Variants in MXRA5 observed in about 807,000 individuals in gnomAD.
MXRA5 encodes matrix-remodeling-associated protein 5.
MXRA5 carries 41 observed loss-of-function variants against 112.5 expected under a neutral mutation model. The observed-to-expected ratio is 0.36, with a 90% CI of 0.28 to 0.47. The LOEUF is 0.47. Ranked by LOEUF, MXRA5 falls within the 20% of genes least tolerant of loss-of-function variation. The pLI is 0.99. For missense variants in MXRA5, 2,150 were observed against 2,251.0 expected (o/e 0.96, Z 0.91); for synonymous variants, 862 against 900.8 (o/e 0.96, Z 0.77).
intron 2 of MXRA5, among the ~76,000 whole-genome samples, chrX:3,343,283 G>A (rs1012813081): frequency 8.9e-6 from 1 of 112,203 alleles, no homozygotes; most frequent in Admixed American, 9.5e-5. Context: ...CGTTGCTGAA[G>A]TCTACTTAAA....
Position 3,327,955 on chromosome X carries a change from G to A in MXRA5, c.709+2063C>T, listed in dbSNP as rs757999638. The stretch of plus-strand genomic sequence containing the variant: ...CATGCACACACAAAGACATGCATGC[G>A]TATCTCCAGACAGTAGCAGAGATGG... On this transcript the variant is annotated intron_variant, in intron 4 of 6. Coordinates refer to ENST00000217939, the MANE Select transcript of MXRA5 (RefSeq NM_015419.4). Among the ~76,000 whole-genome samples, 16 of 112,975 alleles carry A rather than the reference G, an allele frequency of 1.4e-4. No individual in the cohort carries two copies. The South Asian group carries it at 4.0e-3, about 28-fold the overall frequency.
At position 3,323,017 on chromosome X, in the gene MXRA5, C is replaced by A; in HGVS notation, c.2668G>T (p.Asp890Tyr). 1.7e-6 allele frequency: 2 copies of A among 1,211,680 alleles called. No homozygotes were observed. Among genetic ancestry groups the A allele is most frequent in the South Asian group, 1.8e-5 (1 of 56,955 alleles). ...ATCTCCTCAGTCTTCTCGGAAAGGT[C>A]ATCAACAACTTCCTCCAGAGGTGTG... is the stretch of plus-strand genomic sequence containing the variant. The part of the protein sequence containing the change: ...TSTPLEEVVD[D>Y]LSEKTEEITS... The change falls in exon 5 of 7, where the codon GAC (aspartate) becomes TAC (tyrosine). Residue 890 changes from aspartate to tyrosine, a missense_variant. Around this residue, in one of 6 missense-constraint regions of MXRA5, gnomAD observed 1,485 missense variants for 1,471.6 expected, o/e 1.01. Transcript: ENST00000217939.
rs760894580 is a variant in MXRA5, at chrX:3,324,709, G to T, written c.976C>A (p.His326Asn). 2 of 1,210,197 alleles carry T rather than the reference G, an allele frequency of 1.7e-6. No individual in the cohort carries two copies. The highest frequency in any genetic ancestry group is 5.9e-5 in the East Asian group (2 of 33,799). ...CAGACCAAGTTCACCATGTTCCCGT[G>T]CTCGTCGGTCATATTCAAAGAGATG... is the stretch of plus-strand genomic sequence containing the variant. ...WSISLNMTDE[H>N]GNMVNLVCDI... The change falls in exon 5 of 7, where the codon CAC (histidine) becomes AAC (asparagine). Residue 326 changes from histidine to asparagine, a missense_variant. By Grantham distance (68) the His-to-Asn change is moderately conservative. Coordinates refer to ENST00000217939, the MANE Select transcript of MXRA5 (RefSeq NM_015419.4).
intron 2 of MXRA5, among the ~76,000 whole-genome samples, chrX:3,332,417 TGTATTTTTA>T (rs1250931104): frequency 9.0e-6 from 1 of 111,318 alleles, no homozygotes; most frequent in Non-Finnish European, 1.9e-5. Flanking sequence ...GCTAATTTTT[TGTATTTTTA>T]GTAGAGATGG....
At position 3,321,354 on chromosome X, in the gene MXRA5, G is replaced by C; in HGVS notation, c.4331C>G (p.Ser1444Ter). 8.3e-7 allele frequency: 1 copy of C among 1,211,820 alleles called. No homozygotes were observed. Among genetic ancestry groups the C allele is most frequent in the Non-Finnish European group, 1.1e-6 (1 of 895,392 alleles). ...QEEAGSSTTL[S>*]SIKVEVASSQ... ...TGAAGCCACCTCCACTTTTATGCTT[G>C]AGAGAGTTGTGGAAGAACCAGCTTC... The change falls in exon 5 of 7, where the codon TCA becomes TGA. Residue 1444 changes from serine to a stop codon, truncating the protein, a stop_gained. Transcript: ENST00000217939. LOFTEE classifies it high-confidence loss of function.
In MXRA5 at chrX:3,322,595, G is replaced by T. The variant is rs1237528129; in HGVS notation, c.3090C>A (p.Gly1030=). The T allele has an allele frequency of 8.3e-7, 1 of 1,209,764 alleles. No individual in the cohort carries two copies. The highest frequency in any genetic ancestry group is 1.8e-5 in the African/African-American group (1 of 57,076). The change falls in exon 5 of 7, where the codon GGC becomes GGA. Residue 1030 remains glycine, a synonymous_variant. Transcript: ENST00000217939. ...DSTIGEPGVP[G]QSHLQGLTDN... ...CTGTCAGTCCTTGTAGATGTGATTGGCCTGGGACACCTGGTTCCCCTATAG... is the reference window on the plus strand; with the variant it reads ...CTGTCAGTCCTTGTAGATGTGATTGTCCTGGGACACCTGGTTCCCCTATAG...
intron 2 of MXRA5, among the ~76,000 whole-genome samples, chrX:3,338,386 TAGAC>T (rs757825562): frequency 1.9e-4 from 21 of 110,423 alleles, no homozygotes; most frequent in South Asian, 1.2e-3. Context: ...GATAGATAGA[TAGAC>T]AGATAGATAG....
chrX:3,341,357 ATG>A (rs1278513375), intron 2 of MXRA5, among the ~76,000 whole-genome samples: 1 of 40,360 alleles, frequency 2.5e-5, no homozygotes, highest in African/African-American at 9.2e-5. Context: ...ACTATATATT[ATG>A]TATATATAAT....
In MXRA5 at chrX:3,338,945, AATAGATAGATAGTTAGATAGATAG is replaced by A. The variant is rs1347370401; in HGVS notation, c.188+4677_188+4700del. On this transcript the variant is annotated intron_variant, in intron 2 of 6. Coordinates refer to ENST00000217939, the MANE Select transcript of MXRA5 (RefSeq NM_015419.4). ...GACAAGTAATAGGCAGACTATAGATAATAGATAGATAGTTAGATAGATAGATAGATAGATAGATAGATAGATAGA... is the reference window on the plus strand; with the variant it reads ...GACAAGTAATAGGCAGACTATAGATAATAGATAGATAGATAGATAGATAGA... Among the ~76,000 whole-genome samples the A allele has an allele frequency of 4.3e-5, 4 of 92,139 alleles. No individual in the cohort carries two copies. In the Admixed American group the frequency reaches 4.7e-4, roughly 11 times the overall value. 80.0% of individuals were successfully genotyped at this position (92,139 alleles called of 115,157 possible).
Position 3,324,082 on chromosome X carries a change from G to T in MXRA5, c.1603C>A (p.Leu535Ile). ...MDDPDSKFSI[L>I]SSGWLRIKSM... Reference sequence around the variant, plus strand: ...TTGATCCTCAGCCAGCCACTGCTGAGAATGGAGAACTTGCTGTCTGGGTCA... The same window carrying T: ...TTGATCCTCAGCCAGCCACTGCTGATAATGGAGAACTTGCTGTCTGGGTCA... Residue 535 changes from leucine to isoleucine, a missense_variant, in exon 5 of 7, where the codon CTC (leucine) becomes ATC (isoleucine). Physicochemically the swap from Leu to Ile is conservative, Grantham distance 5. Transcript: ENST00000217939. 8.3e-7 allele frequency: 1 copy of T among 1,208,864 alleles called. No homozygotes were observed. The highest frequency in any genetic ancestry group is 1.1e-6 in the Non-Finnish European group (1 of 893,997).
chrX:3,322,298 T>G lies in MXRA5; in HGVS notation c.3387A>C (p.Thr1129=). 1 of 1,209,681 alleles carries G rather than the reference T, an allele frequency of 8.3e-7. No homozygotes were observed. Among genetic ancestry groups the G allele is most frequent in the African/African-American group, 1.7e-5 (1 of 57,618 alleles). The part of the protein sequence containing the change: ...TLLDKDTTTA[T]TTPRQKVAPS... ...GAGCAACTTTTTGCCTTGGTGTTGT[T>G]GTTGCTGTTGTGGTGTCTTTGTCTA... The change falls in exon 5 of 7, where the codon ACA becomes ACC. Residue 1129 remains threonine, a synonymous_variant. Transcript: ENST00000217939.
chrX:3,333,966 T>C (rs1257413566), intron 2 of MXRA5, among the ~76,000 whole-genome samples: 1 of 110,489 alleles, frequency 9.1e-6, no homozygotes, highest in East Asian at 2.9e-4. Context: ...AGAGGTGAGA[T>C]AGAAGCATAG....
chrX:3,346,283 C>T (rs1015083576), intron 1 of MXRA5, among the ~76,000 whole-genome samples: 1 of 112,014 alleles, frequency 8.9e-6, no homozygotes, highest in Non-Finnish European at 1.9e-5. Context: ...CTATTCAGTG[C>T]ATCCTCCTTC....
chrX:3,320,632 T>A lies in MXRA5; in HGVS notation c.5053A>T (p.Ser1685Cys). 8.3e-7 allele frequency: 1 copy of A among 1,210,399 alleles called. No homozygotes were observed. The highest frequency in any genetic ancestry group is 3.0e-5 in the East Asian group (1 of 33,769). Residue 1685 changes from serine to cysteine, a missense_variant, in exon 5 of 7, where the codon AGT (serine) becomes TGT (cysteine). Ser to Cys is a moderately radical substitution (Grantham distance 112). Around this residue, in one of 6 missense-constraint regions of MXRA5, gnomAD observed 1,485 missense variants for 1,471.6 expected, o/e 1.01. Transcript: ENST00000217939. ...TCAGTTCTTCGGTCAGTAAACTTAC[T>A]AGGAATGCTGGGTTTGGACATGTGC... Reference protein sequence around the residue: ...PLHMSKPSIPSKFTDRRTDQF... With the variant: ...PLHMSKPSIPCKFTDRRTDQF...
At position 3,323,741 on chromosome X, in the gene MXRA5, G is replaced by A. The variant is rs745674905; in HGVS notation, c.1944C>T (p.Tyr648=). The part of the protein sequence containing the change: ...IPKVQVSDSG[Y]YRCVAVNQQG... ...GCTGGTTGACAGCCACACATCTGTA[G>A]TAACCACTGTCACTGACTTGGACCT... Residue 648 remains tyrosine, a synonymous_variant, in exon 5 of 7, where the codon TAC becomes TAT. Transcript: ENST00000217939. 1 of 1,211,760 alleles carries A rather than the reference G, an allele frequency of 8.3e-7. No homozygotes were observed. The highest frequency in any genetic ancestry group is 1.7e-5 in the African/African-American group (1 of 57,859).
intron 5 of MXRA5, among the ~76,000 whole-genome samples, chrX:3,318,678 A>G (rs1921216412): frequency 1.8e-5 from 2 of 111,677 alleles, no homozygotes; most frequent in African/African-American, 3.3e-5. Flanking sequence ...CAATCCCACT[A>G]CTGGGTATTT....
At chrX:3,335,922 G>T (rs949240632) in intron 2 of MXRA5, among the ~76,000 whole-genome samples, 5 of 112,316 alleles carry the variant, frequency 4.5e-5, no homozygotes, top group African/African-American at 1.3e-4. Context: ...GTCACGTACT[G>T]CAGTGGTCCT....
At chrX:3,345,343 C>G (rs1922082398) in intron 1 of MXRA5, among the ~76,000 whole-genome samples, 2 of 112,769 alleles carry the variant, frequency 1.8e-5, no homozygotes, top group African/African-American at 6.4e-5. Context: ...TGGAACAAAC[C>G]GGCTCCTGCA....
Position 3,317,657 on chromosome X carries a change from C to T in MXRA5, c.6024G>A (p.Arg2008=), listed in dbSNP as rs1254809842. 1 of 1,204,918 alleles carries T rather than the reference C, an allele frequency of 8.3e-7. No individual in the cohort carries two copies. Among genetic ancestry groups the T allele is most frequent in the Admixed American group, 2.2e-5 (1 of 45,836 alleles). ...AGGACGCCTCCTTGATGGAAAGGGT[C>T]CGGTTTTCGTGCAGGGTGATGCGGC... ...VEGRITLHEN[R]TLSIKEASFS... is the part of the protein sequence containing the mutation. Residue 2008 remains arginine, a synonymous_variant, in exon 6 of 7, where the codon CGG becomes CGA. Transcript: ENST00000217939.
Sources: allele counts gnomAD v4.1 joint callset (sites outside exome capture counted in the v4.1 genomes callset), GRCh38; gene constraint gnomAD v4.1.1; regional missense constraint gnomAD v4.1.1; transcripts MANE v1.5; gene names NCBI Gene and HGNC (gene_info 2026-07-23, HGNC 2026-07-21).